IL1RAPL1: variants seen among roughly 807,000 people sequenced by gnomAD.
IL1RAPL1 encodes the protein interleukin 1 receptor accessory protein like 1, also known as interleukin-1 receptor accessory protein-like 1.
In IL1RAPL1, 3 loss-of-function variants were observed where a neutral mutation model predicts 48.4. The ratio of observed to expected loss-of-function variants is 0.06; its 90% CI spans 0.03 to 0.16. The LOEUF is 0.16. Ranked by LOEUF, IL1RAPL1 falls within the 10% of genes least tolerant of loss-of-function variation. The pLI is 1.00. For missense variants in IL1RAPL1, 349 were observed against 530.6 expected, an observed-to-expected ratio of 0.66 and a Z score of 3.36; for synonymous variants, 185 against 187.7, an observed-to-expected ratio of 0.99 and a Z score of 0.12.
chrX:28,669,218 C>T (rs945119428), intron 1 of IL1RAPL1, among the ~76,000 whole-genome samples: 1 of 111,431 alleles, frequency 9.0e-6, no homozygotes, highest in African/African-American at 3.3e-5. Context: ...CTAAGATGAA[C>T]TGGACCAGAA....
Position 29,414,306 on chromosome X carries a change from G to T in IL1RAPL1, c.703+14998G>T, listed in dbSNP as rs748217949. 1.3e-4 allele frequency among the ~76,000 whole-genome samples: 15 copies of T among 111,884 alleles called. No homozygotes were observed. In the East Asian group the frequency reaches 3.9e-3, roughly 29 times the overall value. ...GCACAACATTTTGAATGTATTTAAT[G>T]CCATTTAATTGTACACTTAAAATTA... is the stretch of plus-strand genomic sequence containing the variant. On this transcript the variant is annotated intron_variant, in intron 5 of 10. Coordinates refer to ENST00000378993, the MANE Select transcript of IL1RAPL1 (RefSeq NM_014271.4).
In IL1RAPL1 at chrX:29,396,317, G is replaced by C; in HGVS notation, c.422G>C (p.Gly141Ala). 3.3e-6 allele frequency: 4 copies of C among 1,206,430 alleles called. No homozygotes were observed. Among genetic ancestry groups the C allele is most frequent in the Non-Finnish European group, 4.5e-6 (4 of 890,613 alleles). ...CTGACAGTGGGTGAAAATGACACTGGACTCTGCTATAATTCCAAGATGAAG... is the reference window on the plus strand; with the variant it reads ...CTGACAGTGGGTGAAAATGACACTGCACTCTGCTATAATTCCAAGATGAAG... Reference protein sequence around the residue: ...ISLTVGENDTGLCYNSKMKYF... With the variant: ...ISLTVGENDTALCYNSKMKYF... Residue 141 changes from glycine (G) to alanine (A), a missense_variant, in exon 4 of 11, where the codon GGA becomes GCA. Around this residue, in one of 3 missense-constraint regions of IL1RAPL1, gnomAD observed 238 missense variants for 337.8 expected, o/e 0.70. Coordinates refer to ENST00000378993, the MANE Select transcript of IL1RAPL1 (RefSeq NM_014271.4).
chrX:29,182,634 T>C lies in IL1RAPL1; in HGVS notation c.83-100304T>C, dbSNP rs546867848. Reference sequence around the variant, plus strand: ...AGAGGCATCCCAAAGTCACAAAAATTGTGAAACATTGTTTTGTCATTTGGT... The same window carrying C: ...AGAGGCATCCCAAAGTCACAAAAATCGTGAAACATTGTTTTGTCATTTGGT... On this transcript the variant is annotated intron_variant, in intron 2 of 10. Coordinates refer to ENST00000378993, the MANE Select transcript of IL1RAPL1 (RefSeq NM_014271.4). Among the ~76,000 whole-genome samples, 6 of 110,616 alleles carry C rather than the reference T, an allele frequency of 5.4e-5. No homozygotes were observed. The Admixed American group carries it at 5.8e-4, about 11-fold the overall frequency.
At chrX:28,951,652 A>G (rs1382315474) in intron 2 of IL1RAPL1, among the ~76,000 whole-genome samples, 1 of 111,056 alleles carries the variant, frequency 9.0e-6, no homozygotes, top group African/African-American at 3.3e-5. Flanking sequence ...GGTTTCAGAA[A>G]TACAGTTTCT....
At chrX:29,853,307 A>G (rs1000559513) in intron 6 of IL1RAPL1, among the ~76,000 whole-genome samples, 1 of 109,260 alleles carries the variant, frequency 9.2e-6, no homozygotes, top group African/African-American at 3.3e-5. Flanking sequence ...AGCCTGTGCA[A>G]CAAAGTGGAA....
intron 3 of IL1RAPL1, among the ~76,000 whole-genome samples, chrX:29,350,774 T>C (rs1227983896): frequency 9.0e-6 from 1 of 111,525 alleles, no homozygotes; most frequent in Non-Finnish European, 1.9e-5. Context: ...CTTTCTTAAA[T>C]GATGTATAGC....
chrX:29,178,867 G>T (rs1316508280), intron 2 of IL1RAPL1, among the ~76,000 whole-genome samples: 5 of 111,796 alleles, frequency 4.5e-5, no homozygotes, highest in East Asian at 2.8e-4. Context: ...TTTCCCCATT[G>T]CTTGTTTTTG....
chrX:29,619,795 T>C (rs1014508302), intron 5 of IL1RAPL1, among the ~76,000 whole-genome samples: 1 of 111,896 alleles, frequency 8.9e-6, no homozygotes. Flanking sequence ...GCTGTTTTTT[T>C]GTTAATACTT....
At chrX:28,973,048 A>G (rs1418094653) in intron 2 of IL1RAPL1, among the ~76,000 whole-genome samples, 1 of 111,925 alleles carries the variant, frequency 8.9e-6, no homozygotes, top group Non-Finnish European at 1.9e-5. Context: ...GGTTCTGTGC[A>G]AATGTCTCTT....
chrX:29,332,639 TATTTA>T (rs1932897452), intron 3 of IL1RAPL1, among the ~76,000 whole-genome samples: 2 of 100,414 alleles, frequency 2.0e-5, no homozygotes, highest in African/African-American at 8.5e-5. Context: ...TTTATTTATT[TATTTA>T]TTTATTTTAT....
intron 2 of IL1RAPL1, among the ~76,000 whole-genome samples, chrX:29,059,129 T>A (rs1312858330): frequency 8.9e-6 from 1 of 112,091 alleles, no homozygotes; most frequent in Non-Finnish European, 1.9e-5. Context: ...TGGTTTATGT[T>A]AATAGAGGTT....
At chrX:29,603,293 A>G (rs1923786570) in intron 5 of IL1RAPL1, among the ~76,000 whole-genome samples, 1 of 110,466 alleles carries the variant, frequency 9.1e-6, no homozygotes, top group Admixed American at 9.6e-5. Context: ...ACTGAACTAA[A>G]TGTTTAATAA....
intron 2 of IL1RAPL1, among the ~76,000 whole-genome samples, chrX:28,896,593 T>G (rs934609548): frequency 1.8e-5 from 2 of 110,536 alleles, no homozygotes; most frequent in Admixed American, 9.7e-5. Flanking sequence ...GGACCGGGTG[T>G]CAGGAGGGGA....
At chrX:29,618,477 A>C (rs1389577577) in intron 5 of IL1RAPL1, among the ~76,000 whole-genome samples, 1 of 111,873 alleles carries the variant, frequency 8.9e-6, no homozygotes, top group Non-Finnish European at 1.9e-5. Context: ...TTACTGGTCT[A>C]AAATCAGGTG....
At chrX:29,039,407 G>A (rs937063983) in intron 2 of IL1RAPL1, among the ~76,000 whole-genome samples, 3 of 111,691 alleles carry the variant, frequency 2.7e-5, no homozygotes, top group African/African-American at 9.8e-5. Flanking sequence ...TTTAAATCAG[G>A]CAATACTGTC....
chrX:29,522,912 TTCTC>T lies in IL1RAPL1; in HGVS notation c.703+123623_703+123626del, dbSNP rs761878581. 1.1e-4 allele frequency among the ~76,000 whole-genome samples: 12 copies of T among 107,238 alleles called. No individual in the cohort carries two copies. In the South Asian group the frequency reaches 2.0e-3, roughly 18 times the overall value. 93.1% of individuals were successfully genotyped at this position (107,238 alleles called of 115,157 possible). A position where few individuals can be genotyped will look rare whatever the true frequency, so the allele number is the denominator to read the frequency against. ...GTGTTCTCTCTCTCTCTCATCTGTG[TTCTC>T]TCTCTCTCTCTCTCTCTCAGCACAT... is the stretch of plus-strand genomic sequence containing the variant. On this transcript the variant is annotated intron_variant, in intron 5 of 10. Transcript: ENST00000378993.
chrX:28,730,264 T>C (rs192859567), intron 1 of IL1RAPL1, among the ~76,000 whole-genome samples: 2 of 111,547 alleles, frequency 1.8e-5, no homozygotes, highest in Non-Finnish European at 3.8e-5. Flanking sequence ...GTCTCAAAAA[T>C]TGAGATGACC....
At chrX:28,896,081 G>A (rs1376699402) in intron 2 of IL1RAPL1, among the ~76,000 whole-genome samples, 2 of 112,060 alleles carry the variant, frequency 1.8e-5, no homozygotes, top group Non-Finnish European at 3.8e-5. Flanking sequence ...AGGTTCTGGA[G>A]GAACCCCTGG....
intron 2 of IL1RAPL1, among the ~76,000 whole-genome samples, chrX:29,119,577 G>T: frequency 8.9e-6 from 1 of 111,823 alleles, no homozygotes; most frequent in East Asian, 2.8e-4. Context: ...TGGATACAAA[G>T]AATCACAATT....
Sources: allele counts gnomAD v4.1 joint callset (sites outside exome capture counted in the v4.1 genomes callset), GRCh38; gene constraint gnomAD v4.1.1; regional missense constraint gnomAD v4.1.1; transcripts MANE v1.5; gene names NCBI Gene and HGNC (gene_info 2026-07-23, HGNC 2026-07-21).